PDXDC1: variants seen among roughly 807,000 people sequenced by gnomAD.
PDXDC1 encodes the protein pyridoxal dependent decarboxylase domain containing 1, also known as pyridoxal-dependent decarboxylase domain-containing protein 1.
A neutral mutation model predicts 100.1 loss-of-function variants in PDXDC1; 42 were observed. That is an observed-to-expected ratio of 0.42 (90% CI 0.33 to 0.54). The LOEUF is 0.54. Among genes scored for constraint, PDXDC1 ranks in the 20% least tolerant of loss-of-function variants. The pLI is 0.10. For missense variants in PDXDC1, 636 were observed against 979.2 expected (o/e 0.65, Z 4.68); for synonymous variants, 260 against 371.7 (o/e 0.70, Z 3.46).
intron 16 of PDXDC1, chr16:15,106,352 G>T (rs1271614120): frequency 9.6e-6 from 6 of 625,018 alleles, no homozygotes; most frequent in Non-Finnish European, 1.7e-5. Context: ...ATCAGATAAA[G>T]CACCACTTTC....
intron 16 of PDXDC1, among the ~76,000 whole-genome samples, chr16:15,095,101 G>C (rs1278924595): frequency 6.6e-6 from 1 of 152,054 alleles, no homozygotes; most frequent in East Asian, 1.9e-4. Flanking sequence ...GCCTCCCAAA[G>C]TGCTGGGATT....
chr16:15,074,022 T>C (rs1191264742), intron 16 of PDXDC1, among the ~76,000 whole-genome samples: 1 of 152,176 alleles, frequency 6.6e-6, no homozygotes, highest in African/African-American at 2.4e-5. Context: ...CTCTCCTACA[T>C]ATACAGACGC....
chr16:14,993,631 G>A (rs1226678758), intron 1 of PDXDC1, among the ~76,000 whole-genome samples: 1 of 152,294 alleles, frequency 6.6e-6, no homozygotes, highest in Admixed American at 6.5e-5. Flanking sequence ...ATAGCGGCAT[G>A]ATTTATAATC....
chr16:15,038,289 G>T lies in PDXDC1; in HGVS notation c.*2014G>T. On this transcript the variant is annotated 3_prime_UTR_variant, in exon 23 of 23. Coordinates refer to ENST00000396410, the MANE Select transcript of PDXDC1 (RefSeq NM_015027.4). ...GTGATAAAGATGTCAAAGTATCTTTGTTCTTGGACACAAATATATATAATA... is the reference window on the plus strand; with the variant it reads ...GTGATAAAGATGTCAAAGTATCTTTTTTCTTGGACACAAATATATATAATA... 3.0e-6 allele frequency: 3 copies of T among 1,003,830 alleles called. No homozygotes were observed. Among genetic ancestry groups the T allele is most frequent in the Non-Finnish European group, 4.5e-6 (3 of 669,002 alleles). 62.2% of individuals were successfully genotyped at this position (1,003,830 alleles called of 1,614,324 possible). A position where few individuals can be genotyped will look rare whatever the true frequency, so the allele number is the denominator to read the frequency against.
intron 1 of PDXDC1, among the ~76,000 whole-genome samples, chr16:14,976,384 G>A (rs1216927130): frequency 2.1e-4 from 32 of 152,396 alleles, no homozygotes; most frequent in African/African-American, 7.5e-4. Flanking sequence ...AGAGTTGAAG[G>A]CAATAATTGT....
chr16:15,096,253 C>T (rs1190544448), intron 16 of PDXDC1, among the ~76,000 whole-genome samples: 1 of 152,034 alleles, frequency 6.6e-6, no homozygotes, highest in African/African-American at 2.4e-5. Flanking sequence ...GGATTACAGG[C>T]ATGCGCCACC....
At chr16:15,007,103 G>T (rs2040840389) in intron 6 of PDXDC1, among the ~76,000 whole-genome samples, 1 of 149,298 alleles carries the variant, frequency 6.7e-6, no homozygotes, top group Non-Finnish European at 1.5e-5. Flanking sequence ...TAGGGTTATG[G>T]TCCTCAGATG....
intron 8 of PDXDC1, among the ~76,000 whole-genome samples, chr16:15,015,436 G>A (rs1308536784): frequency 6.6e-6 from 1 of 152,134 alleles, no homozygotes; most frequent in Non-Finnish European, 1.5e-5. Flanking sequence ...AGTTATACCT[G>A]CTGGGCACGG....
downstream of PDXDC1, chr16:15,040,388 G>C (rs973107804): frequency 6.7e-6 from 2 of 297,078 alleles, no homozygotes; most frequent in Non-Finnish European, 1.2e-5. Flanking sequence ...ACGGCCAGGG[G>C]TGGCTGGGTG....
chr16:15,015,386 T>C (rs2041709813), intron 8 of PDXDC1, among the ~76,000 whole-genome samples: 1 of 152,256 alleles, frequency 6.6e-6, no homozygotes, highest in Non-Finnish European at 1.5e-5. Context: ...TAAAATAGAC[T>C]TCATATTGAT....
At chr16:15,101,997 T>A (rs1343983076) in intron 16 of PDXDC1, among the ~76,000 whole-genome samples, 3 of 152,040 alleles carry the variant, frequency 2.0e-5, no homozygotes, top group Admixed American at 1.3e-4. Flanking sequence ...TACAGGTGCG[T>A]GCCACCATGC....
intron 12 of PDXDC1, among the ~76,000 whole-genome samples, chr16:15,022,356 C>G (rs1364444891): frequency 6.6e-6 from 1 of 151,738 alleles, no homozygotes; most frequent in Non-Finnish European, 1.5e-5. Context: ...AGCTCTTGAG[C>G]GTGCTGCATC....
intron 16 of PDXDC1, among the ~76,000 whole-genome samples, chr16:15,069,304 T>A (rs915426740): frequency 6.6e-6 from 1 of 152,102 alleles, no homozygotes; most frequent in Admixed American, 6.6e-5. Context: ...CCCCCGACGA[T>A]GAAGGATGAT....
At chr16:15,135,984 G>C in intron 16 of PDXDC1, 3 of 1,560,426 alleles carry the variant, frequency 1.9e-6, no homozygotes, top group Non-Finnish European at 1.7e-6. Context: ...TGGTGGGCCC[G>C]AGCCAGATGC....
intron 16 of PDXDC1, chr16:15,047,523 C>T: frequency 6.2e-7 from 1 of 1,614,006 alleles, no homozygotes. Flanking sequence ...GGTTCCGTCA[C>T]AATGTGTCAA....
intron 16 of PDXDC1, chr16:15,104,573 G>T (rs1282949100): frequency 1.3e-6 from 2 of 1,599,216 alleles, no homozygotes; most frequent in Admixed American, 1.7e-5. Flanking sequence ...CATCCGCTGA[G>T]GGTGGAAGGG....
chr16:15,080,198 A>C, intron 16 of PDXDC1: 1 of 1,415,540 alleles, frequency 7.1e-7, no homozygotes, highest in Non-Finnish European at 9.3e-7. Context: ...TCAAATATTT[A>C]AAAAGAAAAA....
rs112323280 is a variant in PDXDC1 at position 15,028,955 on chromosome 16, C to G, written c.1282C>G (p.Leu428Val). Residue 428 changes from leucine to valine, a missense_variant, in exon 15 of 23, where the codon CTG (leucine) becomes GTG (valine). By Grantham distance (32) the Leu-to-Val change is conservative. Around this residue, in one of 4 missense-constraint regions of PDXDC1, gnomAD observed 44 missense variants for 46.9 expected, o/e 0.94. Transcript: ENST00000396410. ...CCGGGAGAGGCACTCGTGTGACGCGCTGAATCGCTGGGTGAGAATGGCAGT... is the reference window on the plus strand; with the variant it reads ...CCGGGAGAGGCACTCGTGTGACGCGGTGAATCGCTGGGTGAGAATGGCAGT... ...VGRERHSCDA[L>V]NRWLGEQLKQ... 62,610 of 1,567,620 alleles carry G rather than the reference C, an allele frequency of 0.04. 25 individuals are homozygous for G. The highest frequency in any genetic ancestry group is 0.057 in the African/African-American group (4,192 of 72,932).
At chr16:15,073,139 C>G (rs1802720620) in intron 16 of PDXDC1, 1 of 1,563,504 alleles carries the variant, frequency 6.4e-7, no homozygotes, top group Non-Finnish European at 8.7e-7. Flanking sequence ...GTTTCATCTG[C>G]CATATTTTTT....
Sources: gnomAD v4.1 joint callset for allele counts (sites outside exome capture counted in the v4.1 genomes callset) on GRCh38, gnomAD v4.1.1 for gene constraint, gnomAD v4.1.1 regional missense constraint, MANE v1.5 for transcripts, NCBI Gene and HGNC (gene_info 2026-07-23, HGNC 2026-07-21) for gene names.